ZMYND8: variants seen among roughly 807,000 people sequenced by gnomAD.
ZMYND8 encodes the protein MYND-type zinc finger-containing chromatin reader ZMYND8.
A neutral mutation model predicts 140.8 loss-of-function variants in ZMYND8; 37 were observed. The ratio of observed to expected loss-of-function variants is 0.26; its 90% confidence interval spans 0.20 to 0.35. ZMYND8 has a LOEUF of 0.35. ZMYND8 is among the 10% of genes least tolerant of loss of function. ZMYND8 has a pLI of 1.00. For synonymous variants in ZMYND8, 592 were observed against 597.1 expected (o/e 0.99, Z 0.12); for missense variants, 1,068 against 1,570.0 (o/e 0.68, Z 5.40).
At chr20:47,228,474 G>C (rs1053783425) in intron 17 of ZMYND8, among the ~76,000 whole-genome samples, 1 of 152,168 alleles carries the variant, frequency 6.6e-6, no homozygotes, top group Admixed American at 6.5e-5. Context: ...TTTCAGGTGA[G>C]ATATTATGAA....
In ZMYND8 at chr20:47,236,411, G is replaced by T; in HGVS notation, c.2771C>A (p.Thr924Asn). The change falls in exon 16 of 23, where the codon ACC becomes AAC. Residue 924 changes from threonine (T) to asparagine (N), a missense_variant. Thr to Asn is a moderately conservative substitution (Grantham distance 65). Around this residue, in one of 10 missense-constraint regions of ZMYND8, gnomAD observed 383 missense variants for 431.2 expected, o/e 0.89. Transcript: ENST00000471951. The part of the protein sequence containing the change: ...PLVTSSGSMS[T>N]LVSSVNADLP... Reference sequence around the variant, plus strand: ...GTCAGCGTTGACTGAGGACACAAGGGTGCTCATGGACCCCGAGCTGGTGAC... The same window carrying T: ...GTCAGCGTTGACTGAGGACACAAGGTTGCTCATGGACCCCGAGCTGGTGAC... 1.2e-6 allele frequency: 2 copies of T among 1,614,216 alleles called. No individual in the cohort carries two copies. Among genetic ancestry groups the T allele is most frequent in the South Asian group, 1.1e-5 (1 of 91,086 alleles).
At chr20:47,339,492 T>C (rs907917719) in intron 2 of ZMYND8, among the ~76,000 whole-genome samples, 4 of 152,060 alleles carry the variant, frequency 2.6e-5, no homozygotes, top group African/African-American at 4.8e-5. Flanking sequence ...ACCATTCTTT[T>C]TTGAGACGGA....
intron 2 of ZMYND8, among the ~76,000 whole-genome samples, chr20:47,310,748 T>C (rs2078860328): frequency 7.2e-6 from 1 of 139,270 alleles, no homozygotes; most frequent in Non-Finnish European, 1.5e-5. Context: ...ATTGTGTCAC[T>C]GCACTCCAGC....
intron 3 of ZMYND8, among the ~76,000 whole-genome samples, chr20:47,299,164 T>C (rs2148062189): frequency 6.6e-6 from 1 of 152,336 alleles, no homozygotes; most frequent in South Asian, 2.1e-4. Flanking sequence ...AGGCCACGAT[T>C]AAAAGCTGGT....
intron 1 of ZMYND8, 55 bp from the exon 2 acceptor site, chr20:47,347,981 G>A (rs2148599790): frequency 1.3e-6 from 2 of 1,569,180 alleles, no homozygotes; most frequent in South Asian, 1.1e-5. Context: ...TTGCCCCATG[G>A]GGGCAGCTAT....
chr20:47,212,640 A>T lies in ZMYND8; in HGVS notation c.3568+2T>A, dbSNP rs554185006. On this transcript the variant is annotated splice_donor_variant, in intron 22 of 22. Coordinates refer to ENST00000471951, the MANE Select transcript of ZMYND8 (RefSeq NM_001281775.3). LOFTEE classifies it high-confidence loss of function. ...GCTTTCGTAAGACAGGTTCATACTT[A>T]CACTTCTGGGCGGGGTAGTTGGGGT... 2 of 1,613,802 alleles carry T rather than the reference A, an allele frequency of 1.2e-6. No individual in the cohort carries two copies. The highest frequency in any genetic ancestry group is 2.2e-5 in the South Asian group (2 of 91,072).
intron 3 of ZMYND8, among the ~76,000 whole-genome samples, chr20:47,309,170 C>T (rs2078724550): frequency 6.6e-6 from 1 of 152,178 alleles, no homozygotes; most frequent in African/African-American, 2.4e-5. Flanking sequence ...CGGATTTTTC[C>T]TATCTAGCTG....
chr20:47,346,828 G>T (rs757221057), intron 2 of ZMYND8, among the ~76,000 whole-genome samples: 5 of 152,186 alleles, frequency 3.3e-5, no homozygotes, highest in Non-Finnish European at 7.4e-5. Flanking sequence ...GGCTGGTCTC[G>T]AACGCCTGAC....
At chr20:47,252,348 A>G (rs942854398) in intron 12 of ZMYND8, among the ~76,000 whole-genome samples, 2 of 151,350 alleles carry the variant, frequency 1.3e-5, no homozygotes, top group African/African-American at 4.9e-5. Context: ...GGCAGGACTC[A>G]AGGACTTAAC....
intron 21 of ZMYND8, among the ~76,000 whole-genome samples, chr20:47,214,133 A>G (rs79211331): frequency 0.021 from 3,209 of 152,314 alleles, 101 homozygotes; most frequent in African/African-American, 0.072. Context: ...TTTAAAACCC[A>G]TGTTCCTTCT....
intron 19 of ZMYND8, among the ~76,000 whole-genome samples, chr20:47,221,752 T>G (rs539301814): frequency 6.6e-6 from 1 of 152,358 alleles, no homozygotes; most frequent in East Asian, 1.9e-4. Context: ...CTGCAACCTC[T>G]GTCTCCTGGG....
intron 19 of ZMYND8, among the ~76,000 whole-genome samples, chr20:47,223,761 G>A (rs2037320454): frequency 6.6e-6 from 1 of 151,400 alleles, no homozygotes; most frequent in Admixed American, 6.6e-5. Context: ...GGAAGGCAGA[G>A]GTTGCACTAA....
chr20:47,255,823 T>C (rs1254253590), intron 12 of ZMYND8, among the ~76,000 whole-genome samples: 2 of 141,860 alleles, frequency 1.4e-5, no homozygotes, highest in Non-Finnish European at 3.0e-5. Flanking sequence ...TATATTTGTA[T>C]GTATATATAT....
intron 2 of ZMYND8, among the ~76,000 whole-genome samples, chr20:47,345,806 G>A (rs1024304126): frequency 7.4e-6 from 1 of 135,316 alleles, no homozygotes; most frequent in African/African-American, 2.8e-5. Flanking sequence ...AACGCACTCT[G>A]TCCACTTTTT....
At chr20:47,343,086 G>A (rs2082044154) in intron 2 of ZMYND8, among the ~76,000 whole-genome samples, 1 of 152,228 alleles carries the variant, frequency 6.6e-6, no homozygotes, top group East Asian at 1.9e-4. Flanking sequence ...TTCAAAACCA[G>A]CCTGGGCAAC....
intron 6 of ZMYND8, among the ~76,000 whole-genome samples, chr20:47,290,583 G>GTTTTTTTTTTTTTT (rs71183240): frequency 2.2e-4 from 14 of 64,078 alleles, no homozygotes; most frequent in Admixed American, 4.4e-4. Context: ...TATTTATTTA[G>GTTTTTTTTTTTTTT]TTTTTTTTTT....
At chr20:47,319,202 G>A (rs941869976) in intron 2 of ZMYND8, 6 of 402,634 alleles carry the variant, frequency 1.5e-5, no homozygotes, top group Middle Eastern at 3.6e-4. Context: ...GAAACCCAGC[G>A]ACTTGCCTTC....
chr20:47,256,780 G>A (rs538238095), intron 12 of ZMYND8, among the ~76,000 whole-genome samples: 4 of 152,186 alleles, frequency 2.6e-5, no homozygotes, highest in South Asian at 2.1e-4. Flanking sequence ...CCAAGATACC[G>A]CTTTATGCAC....
chr20:47,288,183 T>C (rs1001854771), intron 7 of ZMYND8, among the ~76,000 whole-genome samples: 3 of 152,112 alleles, frequency 2.0e-5, no homozygotes, highest in African/African-American at 7.2e-5. Context: ...GTAACTATAA[T>C]CAATGGAGCA....
Sources: allele counts gnomAD v4.1 joint callset (sites outside exome capture counted in the v4.1 genomes callset), GRCh38; gene constraint gnomAD v4.1.1; regional missense constraint gnomAD v4.1.1; transcripts MANE v1.5; gene names NCBI Gene and HGNC (gene_info 2026-07-23, HGNC 2026-07-21).